The following GRIK2 variants were observed in gnomAD, a reference collection of about 807,000 sequenced individuals.
GRIK2 encodes glutamate ionotropic receptor kainate type subunit 2.
Under a neutral mutation model 100.3 loss-of-function variants are expected in GRIK2, and 32 were observed. The ratio of observed to expected loss-of-function variants is 0.32; its 90% CI spans 0.24 to 0.43. GRIK2 has a LOEUF of 0.43. Among genes scored for constraint, GRIK2 ranks in the 20% least tolerant of loss-of-function variants. The pLI is 1.00. For missense variants in GRIK2, 843 were observed against 1,114.9 expected (o/e 0.76, Z 3.47); for synonymous variants, 417 against 389.4 (o/e 1.07, Z -0.83).
chr6:101,672,959 G>C (rs1770552429), intron 4 of GRIK2, among the ~76,000 whole-genome samples: 1 of 152,122 alleles, frequency 6.6e-6, no homozygotes, highest in African/African-American at 2.4e-5. Flanking sequence ...TGAGTTGAAT[G>C]GTGTTTTAAA....
intron 2 of GRIK2, among the ~76,000 whole-genome samples, chr6:101,585,879 TGTG>T (rs544390871): frequency 2.0e-4 from 30 of 152,174 alleles, no homozygotes; most frequent in African/African-American, 7.0e-4. Context: ...TGTACAATCA[TGTG>T]GTGGAGCAAG....
intron 2 of GRIK2, among the ~76,000 whole-genome samples, chr6:101,550,822 C>A (rs550316106): frequency 3.9e-4 from 60 of 152,282 alleles, no homozygotes; most frequent in Admixed American, 1.3e-3. Flanking sequence ...AAGAGAATAC[C>A]CATCTGCCAC....
intron 6 of GRIK2, among the ~76,000 whole-genome samples, chr6:101,683,683 C>T (rs960595267): frequency 4.6e-5 from 7 of 152,216 alleles, no homozygotes; most frequent in African/African-American, 1.7e-4. Context: ...CATCTTCGTT[C>T]GAATGAGGTC....
chr6:101,771,532 T>A, intron 7 of GRIK2, among the ~76,000 whole-genome samples: 1 of 151,452 alleles, frequency 6.6e-6, no homozygotes, highest in Middle Eastern at 3.5e-3. Context: ...TATTTATTAT[T>A]ATTTTTTATT....
intron 7 of GRIK2, chr6:101,744,926 T>A (rs1776334361): frequency 6.6e-6 from 1 of 152,064 alleles, no homozygotes; most frequent in African/African-American, 2.4e-5. Flanking sequence ...TATGGGCTGG[T>A]TCCATATGTT....
At chr6:101,806,569 G>A (rs1394165243) in intron 9 of GRIK2, among the ~76,000 whole-genome samples, 1 of 150,626 alleles carries the variant, frequency 6.6e-6, no homozygotes, top group African/African-American at 2.4e-5. Flanking sequence ...AAGCACCAGT[G>A]ACCTCTCATC....
At chr6:101,711,191 A>G (rs1773670484) in intron 7 of GRIK2, among the ~76,000 whole-genome samples, 1 of 151,910 alleles carries the variant, frequency 6.6e-6, no homozygotes, top group African/African-American at 2.4e-5. Flanking sequence ...TAAATTTTAG[A>G]AGATAAACTC....
At chr6:101,926,368 G>A (rs1189849593) in intron 13 of GRIK2, among the ~76,000 whole-genome samples, 1 of 152,074 alleles carries the variant, frequency 6.6e-6, no homozygotes, top group African/African-American at 2.4e-5. Context: ...CTAGTCGTCT[G>A]TTAATAATTA....
At chr6:101,766,166 T>G (rs753897199) in intron 7 of GRIK2, among the ~76,000 whole-genome samples, 9 of 152,050 alleles carry the variant, frequency 5.9e-5, no homozygotes, top group Non-Finnish European at 1.3e-4. Context: ...TTGCCTGATA[T>G]ATTTTATGCA....
chr6:101,932,382 T>C (rs1012802937), intron 14 of GRIK2, among the ~76,000 whole-genome samples: 1 of 151,974 alleles, frequency 6.6e-6, no homozygotes, highest in African/African-American at 2.4e-5. Context: ...TTGCATTCTA[T>C]ACCTTTACAT....
At chr6:101,745,385 A>G (rs1776362185) in intron 7 of GRIK2, among the ~76,000 whole-genome samples, 1 of 152,136 alleles carries the variant, frequency 6.6e-6, no homozygotes, top group Admixed American at 6.5e-5. Context: ...CTCATAGAAA[A>G]CAGCTGAGCA....
At chr6:101,547,127 G>T (rs542037166) in intron 2 of GRIK2, among the ~76,000 whole-genome samples, 1 of 151,934 alleles carries the variant, frequency 6.6e-6, no homozygotes, top group Non-Finnish European at 1.5e-5. Context: ...CACCGCGCCC[G>T]GCCGTTTTTG....
At chr6:101,753,250 T>C (rs1237647087) in intron 7 of GRIK2, among the ~76,000 whole-genome samples, 2 of 132,876 alleles carry the variant, frequency 1.5e-5, no homozygotes, top group African/African-American at 2.9e-5. Context: ...GCCACTGCAC[T>C]CCAGCCTGGG....
intron 14 of GRIK2, among the ~76,000 whole-genome samples, chr6:102,027,335 C>T (rs1346573618): frequency 6.6e-6 from 1 of 150,938 alleles, no homozygotes; most frequent in Admixed American, 6.6e-5. Context: ...ACTAATTCTG[C>T]CAGATTATTT....
intron 2 of GRIK2, among the ~76,000 whole-genome samples, chr6:101,542,610 G>A (rs1197354000): frequency 6.6e-6 from 1 of 152,050 alleles, no homozygotes; most frequent in Non-Finnish European, 1.5e-5. Flanking sequence ...AAAATATTAT[G>A]CATTAGTTCA....
chr6:101,449,726 TA>T (rs35208086), intron 2 of GRIK2, among the ~76,000 whole-genome samples: 75,890 of 151,438 alleles, frequency 0.5, 19,098 homozygotes, highest in South Asian at 0.55. Context: ...ACACTGTATT[TA>T]AAAATCTATA....
At chr6:101,649,045 C>A (rs1435169354) in intron 4 of GRIK2, among the ~76,000 whole-genome samples, 1 of 152,046 alleles carries the variant, frequency 6.6e-6, no homozygotes, top group Non-Finnish European at 1.5e-5. Context: ...TGGCCACACC[C>A]TTGACACGTG....
intron 7 of GRIK2, among the ~76,000 whole-genome samples, chr6:101,732,536 C>T (rs886269805): frequency 4.6e-5 from 7 of 151,846 alleles, no homozygotes; most frequent in South Asian, 4.2e-4. Context: ...ACAAATAATG[C>T]GCTGTGGAAT....
intron 2 of GRIK2, among the ~76,000 whole-genome samples, chr6:101,520,015 T>C (rs1774800820): frequency 6.6e-6 from 1 of 152,112 alleles, no homozygotes. Context: ...AGGACATCTA[T>C]CTTAAGACAT....
Sources: allele counts gnomAD v4.1 joint callset (sites outside exome capture counted in the v4.1 genomes callset), GRCh38; gene constraint gnomAD v4.1.1; transcripts MANE v1.5; gene names NCBI Gene and HGNC (gene_info 2026-07-23, HGNC 2026-07-21).